The following ANO6 variants were observed in gnomAD, a reference collection of about 807,000 sequenced individuals.
ANO6 encodes the protein anoctamin-6.
In ANO6, 106 loss-of-function variants were observed where a neutral mutation model predicts 117.5. That is an observed-to-expected ratio of 0.90 (90% CI 0.77 to 1.06). The LOEUF (loss-of-function observed/expected upper bound fraction) is 1.06. Ranked by LOEUF, ANO6 falls within the 50% of genes least tolerant of loss-of-function variation. ANO6 has a pLI of 0.00. For missense variants in ANO6, 955 were observed against 1,121.1 expected (o/e 0.85, Z 2.12); for synonymous variants, 367 against 385.1 (o/e 0.95, Z 0.55).
intron 2 of ANO6, among the ~76,000 whole-genome samples, chr12:45,302,348 A>G (rs1939522561): frequency 1.3e-5 from 2 of 152,196 alleles, no homozygotes. Flanking sequence ...TCACTTTGTA[A>G]TAAAATAGCA....
At chr12:45,321,647 G>A (rs1372718668) in intron 2 of ANO6, among the ~76,000 whole-genome samples, 1 of 152,046 alleles carries the variant, frequency 6.6e-6, no homozygotes, top group Non-Finnish European at 1.5e-5. Flanking sequence ...ACAGTCGCGT[G>A]TTGTTCATTT....
chr12:45,438,583 G>C (rs1018612217), intron 19 of ANO6, among the ~76,000 whole-genome samples: 4 of 152,126 alleles, frequency 2.6e-5, no homozygotes, highest in Non-Finnish European at 5.9e-5. Flanking sequence ...ATGTGTATCA[G>C]CTGTATGTGA....
At chr12:45,414,269 T>C (rs1488425990) in intron 16 of ANO6, among the ~76,000 whole-genome samples, 2 of 152,122 alleles carry the variant, frequency 1.3e-5, no homozygotes, top group Non-Finnish European at 2.9e-5. Flanking sequence ...TGTTTTTTTT[T>C]CAGTGGGTGT....
chr12:45,329,103 T>G (rs1239402624), intron 2 of ANO6, among the ~76,000 whole-genome samples: 1 of 152,184 alleles, frequency 6.6e-6, no homozygotes, highest in Non-Finnish European at 1.5e-5. Context: ...CAAACACCCT[T>G]ACACATGAAC....
intron 12 of ANO6, among the ~76,000 whole-genome samples, chr12:45,399,510 T>C (rs1942727796): frequency 6.6e-6 from 1 of 152,138 alleles, no homozygotes; most frequent in African/African-American, 2.4e-5. Context: ...TTTTTTTTAA[T>C]GGCTTTCTCT....
chr12:45,287,280 T>C (rs1017180957), intron 1 of ANO6, among the ~76,000 whole-genome samples: 3 of 152,140 alleles, frequency 2.0e-5, no homozygotes, highest in Non-Finnish European at 4.4e-5. Flanking sequence ...CAGTGTAATA[T>C]AGTGGTTAAA....
At chr12:45,246,096 G>C (rs1031952063) in intron 1 of ANO6, among the ~76,000 whole-genome samples, 1 of 152,174 alleles carries the variant, frequency 6.6e-6, no homozygotes, top group African/African-American at 2.4e-5. Context: ...TGCCAAGTCT[G>C]CCTGAGTGTA....
Position 45,388,171 on chromosome 12 carries a change from T to G in ANO6, c.1176T>G (p.Phe392Leu), listed in dbSNP as rs762332630. The change falls in exon 11 of 20, where the codon TTT (phenylalanine) becomes TTG (leucine). Residue 392 changes from phenylalanine (F) to leucine (L), a missense_variant. Transcript: ENST00000320560. The part of the protein sequence containing the change: ...AVFMGVWVTL[F>L]LEFWKRRQAE... ...CTGTCTCTCTGTTAGTTACCTTGTT[T>G]TTGGAGTTTTGGAAGCGACGCCAGG... is the stretch of plus-strand genomic sequence containing the variant. 3.1e-6 allele frequency: 5 copies of G among 1,613,914 alleles called. No individual in the cohort carries two copies. The highest frequency in any genetic ancestry group is 8.5e-7 in the Non-Finnish European group (1 of 1,179,852).
chr12:45,291,010 G>C (rs1034868765), intron 1 of ANO6, among the ~76,000 whole-genome samples: 12 of 152,280 alleles, frequency 7.9e-5, no homozygotes, highest in Non-Finnish European at 1.8e-4. Context: ...ACTGGTTTTT[G>C]AAAAGCGTGC....
At chr12:45,243,712 G>A (rs1196715090) in intron 1 of ANO6, among the ~76,000 whole-genome samples, 2 of 152,078 alleles carry the variant, frequency 1.3e-5, no homozygotes. Context: ...ACCATGCCTG[G>A]CTAATTTTTG....
Position 45,322,962 on chromosome 12 carries a change from A to G in ANO6, c.151-8333A>G, listed in dbSNP as rs140211922. 4.3e-4 allele frequency among the ~76,000 whole-genome samples: 66 copies of G among 152,272 alleles called. No homozygotes were observed. The East Asian group carries it at 0.012, about 28-fold the overall frequency. On this transcript the variant is annotated intron_variant, in intron 2 of 19. Transcript: ENST00000320560. ...GTATTTTCCTTTTGCCCTGCTGCCA[A>G]GAGGCTTTGTGCCAGTTTTCATGTT...
chr12:45,426,301 T>C (rs1943500721), intron 19 of ANO6, among the ~76,000 whole-genome samples: 2 of 152,204 alleles, frequency 1.3e-5, no homozygotes, highest in African/African-American at 4.8e-5. Flanking sequence ...AAGAACTCTT[T>C]CCTACAGCAT....
At chr12:45,374,180 A>G (rs1169483413) in intron 9 of ANO6, among the ~76,000 whole-genome samples, 4 of 136,258 alleles carry the variant, frequency 2.9e-5, no homozygotes, top group African/African-American at 1.1e-4. Context: ...GAATAGACCA[A>G]TAACAGGATC....
rs1018755476 is a variant in ANO6, at chr12:45,258,449, G to GA, written c.70+42064dup. ...GTTACTTTTCTAAGTAGAAAAGGGAGAAAAAATCTTTCAGTGATTTTCACC... is the reference window on the plus strand; with the variant it reads ...GTTACTTTTCTAAGTAGAAAAGGGAGAAAAAAATCTTTCAGTGATTTTCACC... On this transcript the variant is annotated intron_variant, in intron 1 of 19. Transcript: ENST00000320560. Among the ~76,000 whole-genome samples the GA allele has an allele frequency of 8.5e-4, 77 of 90,756 alleles. 1 individual carries two copies. The highest frequency in any genetic ancestry group is 2.2e-3 in the African/African-American group (74 of 34,290). The allele number at this position is 90,756 out of a possible 152,430, so 59.5% of individuals were successfully genotyped here. A position where few individuals can be genotyped will look rare whatever the true frequency, so the allele number is the denominator to read the frequency against.
At chr12:45,367,617 G>T in intron 8 of ANO6, 71 bp from the exon 9 acceptor site, 1 of 1,227,826 alleles carries the variant, frequency 8.1e-7, no homozygotes, top group Non-Finnish European at 1.2e-6. Flanking sequence ...GTTTCTTATT[G>T]TGAATGGATA....
chr12:45,217,456 T>G (rs1469283292), intron 1 of ANO6, among the ~76,000 whole-genome samples: 1 of 152,224 alleles, frequency 6.6e-6, no homozygotes, highest in African/African-American at 2.4e-5. Context: ...GCACGGAATA[T>G]TTCGATCAAA....
chr12:45,293,098 G>A (rs1049323116), intron 1 of ANO6: 16 of 594,688 alleles, frequency 2.7e-5, no homozygotes, highest in Non-Finnish European at 3.4e-5. Context: ...ACAGTATGGT[G>A]CAGTGCAATA....
intron 1 of ANO6, among the ~76,000 whole-genome samples, chr12:45,250,095 T>C (rs1462800348): frequency 6.6e-6 from 1 of 152,182 alleles, no homozygotes; most frequent in Non-Finnish European, 1.5e-5. Flanking sequence ...CCAAGAACTG[T>C]GTTACTAGAG....
At chr12:45,363,761 G>A (rs1312064892) in intron 8 of ANO6, among the ~76,000 whole-genome samples, 1 of 152,088 alleles carries the variant, frequency 6.6e-6, no homozygotes, top group Non-Finnish European at 1.5e-5. Flanking sequence ...TAGTGAATAA[G>A]TCTCACAAGA....
Sources: gnomAD v4.1 joint callset for allele counts (sites outside exome capture counted in the v4.1 genomes callset) on GRCh38, gnomAD v4.1.1 for gene constraint, MANE v1.5 for transcripts, NCBI Gene and HGNC (gene_info 2026-07-23, HGNC 2026-07-21) for gene names.